KIRREL3: variants seen among roughly 807,000 people sequenced by gnomAD.
KIRREL3 encodes the protein kin of IRRE-like protein 3.
A neutral mutation model predicts 89.7 loss-of-function variants in KIRREL3; 36 were observed. The ratio of observed to expected loss-of-function variants is 0.40; its 90% confidence interval spans 0.31 to 0.53. The LOEUF is 0.53. Ranked by LOEUF, KIRREL3 falls within the 20% of genes least tolerant of loss-of-function variation. The probability of loss-of-function intolerance (pLI) is 0.49; values close to 1 mark genes in which losing one functional copy is unlikely to be tolerated. For synonymous variants in KIRREL3, 445 were observed against 441.4 expected, an observed-to-expected ratio of 1.01 and a Z score of -0.10; for missense variants, 864 against 1,056.6, an observed-to-expected ratio of 0.82 and a Z score of 2.53.
At chr11:126,781,913 A>G (rs1357850797) in intron 1 of KIRREL3, among the ~76,000 whole-genome samples, 1 of 152,082 alleles carries the variant, frequency 6.6e-6, no homozygotes, top group Non-Finnish European at 1.5e-5. Context: ...ATTTCCCTAA[A>G]CCTTCTTTTC....
In KIRREL3 at chr11:126,490,656, C is replaced by G. The variant is rs1300289453; in HGVS notation, c.434-17190G>C. Among the ~76,000 whole-genome samples, 1 of 152,156 alleles carries G rather than the reference C, an allele frequency of 6.6e-6. No individual in the cohort carries two copies. The highest frequency in any genetic ancestry group is 2.4e-5 in the African/African-American group (1 of 41,424). ...TCATAAAATAAGAGGGATAATAATT[C>G]TGTGAAGGTTAGGAGAAGTTCCATG... On this transcript the variant is annotated intron_variant, in intron 4 of 16. Transcript: ENST00000525144. This position sits in a 1 kb window ranked among gnomAD's most constrained non-coding sequence, Gnocchi z 4.2.
At chr11:126,819,698 C>T (rs1349079639) in intron 1 of KIRREL3, among the ~76,000 whole-genome samples, 2 of 152,262 alleles carry the variant, frequency 1.3e-5, no homozygotes, top group African/African-American at 2.4e-5. Context: ...ACAGGCATCA[C>T]TGAGGCCAAT....
At chr11:126,887,091 A>G (rs10790852) in intron 1 of KIRREL3, among the ~76,000 whole-genome samples, 93,653 of 151,932 alleles carry the variant, frequency 0.62, 30,393 homozygotes, top group African/African-American at 0.82. Context: ...GGAAAAGCAC[A>G]GGGGGACAGC....
intron 1 of KIRREL3, among the ~76,000 whole-genome samples, chr11:126,973,974 G>A (rs1006381550): frequency 6.6e-6 from 1 of 152,036 alleles, no homozygotes; most frequent in African/African-American, 2.4e-5. Context: ...ATGTTCCAAG[G>A]GCAAGACTAG....
At position 126,431,298 on chromosome 11, in the gene KIRREL3, A is replaced by G. The variant is rs1955118395; in HGVS notation, c.1696+121T>C. The stretch of plus-strand genomic sequence containing the variant: ...CATCAGACCCACTCCCTGCCCCAGG[A>G]GCTCACAGCACTGTTAGGACCCCTG... On this transcript the variant is annotated intron_variant, in intron 14 of 16. Transcript: ENST00000525144. The surrounding 1 kb of genome is among the most constrained non-coding windows in gnomAD (Gnocchi z 7.1). The G allele has an allele frequency of 4.5e-6, 7 of 1,551,592 alleles. No individual in the cohort carries two copies. The highest frequency in any genetic ancestry group is 6.1e-6 in the Non-Finnish European group (7 of 1,146,930).
In KIRREL3 at chr11:126,910,331, A is replaced by G. The variant is rs151189448; in HGVS notation, c.55+90124T>C. 2.1e-3 allele frequency among the ~76,000 whole-genome samples: 325 copies of G among 152,244 alleles called. 3 individuals are homozygous for G. The highest frequency in any genetic ancestry group is 3.6e-3 in the Non-Finnish European group (248 of 68,010). ...CCAAGGTACAGTGGGCTGGCTGGAG[A>G]GAAGGGATCACTGGGGGTGGTCTTA... On this transcript the variant is annotated intron_variant, in intron 1 of 16. Transcript: ENST00000525144.
intron 1 of KIRREL3, among the ~76,000 whole-genome samples, chr11:126,770,395 C>A (rs932962645): frequency 6.6e-6 from 1 of 152,274 alleles, no homozygotes; most frequent in East Asian, 1.9e-4. Flanking sequence ...ACAGTCGCAG[C>A]GACACTGGGG....
In KIRREL3 at chr11:126,708,346, A is replaced by T. The variant is rs1947622680; in HGVS notation, c.56-145434T>A. ...CAATGTACTCCTCACCAAGGCATTT[A>T]GCCAGAAAAGTGCTCCTGCTTAGGA... On this transcript the variant is annotated intron_variant, in intron 1 of 16. Transcript: ENST00000525144. The surrounding 1 kb of genome is among the most constrained non-coding windows in gnomAD (Gnocchi z 5.7). Among the ~76,000 whole-genome samples, 1 of 152,108 alleles carries T rather than the reference A, an allele frequency of 6.6e-6. No homozygotes were observed. Among genetic ancestry groups the T allele is most frequent in the South Asian group, 2.1e-4 (1 of 4,828 alleles).
Position 126,853,749 on chromosome 11 carries a change from AC to A in KIRREL3, c.55+146705del, listed in dbSNP as rs1246154480. Among the ~76,000 whole-genome samples the A allele has an allele frequency of 4.6e-5, 7 of 152,220 alleles. No homozygotes were observed. The East Asian group carries it at 1.2e-3, about 25-fold the overall frequency. On this transcript the variant is annotated intron_variant, in intron 1 of 16. Transcript: ENST00000525144. ...AGTTTCACATAAACTTAAAAAAAAA[AC>A]AAAACAAAACTTCCTTGACCTCCTT...
Position 126,896,349 on chromosome 11 carries a change from C to T in KIRREL3, c.55+104106G>A, listed in dbSNP as rs142963713. Among the ~76,000 whole-genome samples, 161 of 152,328 alleles carry T rather than the reference C, an allele frequency of 1.1e-3. No individual in the cohort carries two copies. The highest frequency in any genetic ancestry group is 3.4e-3 in the Middle Eastern group (1 of 294). On this transcript the variant is annotated intron_variant, in intron 1 of 16. Transcript: ENST00000525144. This position sits in a 1 kb window ranked among gnomAD's most constrained non-coding sequence, Gnocchi z 4.1. The stretch of plus-strand genomic sequence containing the variant: ...AGCAGCATCTCCCAGAAAACCTGAG[C>T]AGGTCAGGGGCTTCTCTGACTCCTC...
chr11:126,688,953 A>T (rs1946769632), intron 1 of KIRREL3, among the ~76,000 whole-genome samples: 2 of 149,974 alleles, frequency 1.3e-5, no homozygotes, highest in Admixed American at 6.7e-5. Context: ...GGACAGGAAG[A>T]TTTTTTTTTT....
At position 126,682,379 on chromosome 11, in the gene KIRREL3, T is replaced by A. The variant is rs1417378431; in HGVS notation, c.56-119467A>T. Among the ~76,000 whole-genome samples the A allele has an allele frequency of 6.6e-6, 1 of 152,108 alleles. No homozygotes were observed. ...CATCTGCAAAATGAGGATGATAATA[T>A]CCTCCTCCCAGTGTTGCTGGGAGGA... On this transcript the variant is annotated intron_variant, in intron 1 of 16. Coordinates refer to ENST00000525144, the MANE Select transcript of KIRREL3 (RefSeq NM_032531.4). The surrounding 1 kb of genome is among the most constrained non-coding windows in gnomAD (Gnocchi z 4.8).
Position 126,430,329 on chromosome 11 carries a change from C to A in KIRREL3, c.1697-1041G>T, listed in dbSNP as rs895190116. Among the ~76,000 whole-genome samples, 33 of 152,088 alleles carry A rather than the reference C, an allele frequency of 2.2e-4. No individual in the cohort carries two copies. Among genetic ancestry groups the A allele is most frequent in the African/African-American group, 8.0e-4 (33 of 41,408 alleles). ...GCATGATGGCACACGCCTGTAATCCCAGCGACTCAGGAGGCTTAGGCACGA... is the reference window on the plus strand; with the variant it reads ...GCATGATGGCACACGCCTGTAATCCAAGCGACTCAGGAGGCTTAGGCACGA... On this transcript the variant is annotated intron_variant, in intron 14 of 16. Coordinates refer to ENST00000525144, the MANE Select transcript of KIRREL3 (RefSeq NM_032531.4). This position sits in a 1 kb window ranked among gnomAD's most constrained non-coding sequence, Gnocchi z 6.6.
At chr11:126,706,268 T>C (rs568497596) in intron 1 of KIRREL3, among the ~76,000 whole-genome samples, 1 of 152,366 alleles carries the variant, frequency 6.6e-6, no homozygotes, top group South Asian at 2.1e-4. Flanking sequence ...ATTTGATTCA[T>C]TTAAATAAAT....
chr11:126,743,649 AC>A (rs1439975998), intron 1 of KIRREL3, among the ~76,000 whole-genome samples: 1 of 152,218 alleles, frequency 6.6e-6, no homozygotes, highest in African/African-American at 2.4e-5. Flanking sequence ...TTACTTTTCT[AC>A]TTACTAGCTG....
At chr11:126,539,661 A>C (rs1938198105) in intron 2 of KIRREL3, among the ~76,000 whole-genome samples, 1 of 152,024 alleles carries the variant, frequency 6.6e-6, no homozygotes, top group Admixed American at 6.6e-5. Flanking sequence ...TCAGGAGGAG[A>C]AGCGCGCTTG....
At chr11:126,821,343 A>ATC (rs1435064348) in intron 1 of KIRREL3, among the ~76,000 whole-genome samples, 1 of 130,682 alleles carries the variant, frequency 7.7e-6, no homozygotes, top group African/African-American at 3.2e-5. Flanking sequence ...ATATATATAT[A>ATC]TATATATATG....
rs1451848365 is a variant in KIRREL3, at chr11:126,830,213, C to T, written c.55+170242G>A. Among the ~76,000 whole-genome samples, 3 of 152,168 alleles carry T rather than the reference C, an allele frequency of 2.0e-5. No homozygotes were observed. Among genetic ancestry groups the T allele is most frequent in the African/African-American group, 4.8e-5 (2 of 41,428 alleles). Reference sequence around the variant, plus strand: ...CTCTGGTCAATATTTATCATAGGTACATTTTACAAGATGAATTCTGTCACC... The same window carrying T: ...CTCTGGTCAATATTTATCATAGGTATATTTTACAAGATGAATTCTGTCACC... On this transcript the variant is annotated intron_variant, in intron 1 of 16. Transcript: ENST00000525144. This position sits in a 1 kb window ranked among gnomAD's most constrained non-coding sequence, Gnocchi z 4.9.
At chr11:126,884,935 AC>A (rs1945643572) in intron 1 of KIRREL3, among the ~76,000 whole-genome samples, 1 of 152,116 alleles carries the variant, frequency 6.6e-6, no homozygotes, top group Non-Finnish European at 1.5e-5. Flanking sequence ...GCAGAATTAA[AC>A]TTCATTTGGA....
Sources: allele counts gnomAD v4.1 joint callset (sites outside exome capture counted in the v4.1 genomes callset), GRCh38; gene constraint gnomAD v4.1.1; non-coding constraint Gnocchi (gnomAD v3.1); transcripts MANE v1.5; gene names NCBI Gene and HGNC (gene_info 2026-07-23, HGNC 2026-07-21).